The following NXPE4 variants were observed in gnomAD, a reference collection of about 807,000 sequenced individuals.
The protein encoded by NXPE4 is NXPE family member 4.
NXPE4 carries 42 observed loss-of-function variants against 33.3 expected under a neutral mutation model. That is an observed-to-expected ratio of 1.26 (90% CI 0.98 to 1.63). The LOEUF (loss-of-function observed/expected upper bound fraction) is 1.63. Among genes scored for constraint, NXPE4 ranks in the 40% most tolerant of loss-of-function variants. The probability of loss-of-function intolerance (pLI) is 0.00; values close to 1 mark genes in which losing one functional copy is unlikely to be tolerated. For synonymous variants in NXPE4, 253 were observed against 234.9 expected (o/e 1.08, Z -0.71); for missense variants, 709 against 647.6 (o/e 1.09, Z -1.03).
the NXPE4 span, among the ~76,000 whole-genome samples, chr11:114,621,409 C>T: frequency 3.3e-5 from 5 of 152,216 alleles, no homozygotes; most frequent in East Asian, 1.9e-4. Flanking sequence ...CCACAGTTAC[C>T]CTGTGGATAA....
the NXPE4 span, among the ~76,000 whole-genome samples, chr11:114,628,561 G>C: frequency 1.3e-5 from 2 of 150,620 alleles, no homozygotes; most frequent in African/African-American, 4.9e-5. Flanking sequence ...GCCCACAAGA[G>C]AAAGCAGGAA....
chr11:114,587,233 C>T (rs1249752302), intron 2 of NXPE4, among the ~76,000 whole-genome samples: 1 of 152,180 alleles, frequency 6.6e-6, no homozygotes, highest in Non-Finnish European at 1.5e-5. Flanking sequence ...TGAACATGGT[C>T]CCATCAGCAG....
the NXPE4 span, among the ~76,000 whole-genome samples, chr11:114,641,964 G>C: frequency 3.3e-5 from 5 of 151,630 alleles, no homozygotes; most frequent in African/African-American, 1.2e-4. Flanking sequence ...ATATTTTTGT[G>C]GTATATAACA....
intron 4 of NXPE4, 97 bp from the exon 5 acceptor site, chr11:114,580,435 G>T: frequency 4.1e-6 from 4 of 969,676 alleles, no homozygotes; most frequent in South Asian, 2.8e-5. Flanking sequence ...CTAAGAGGGG[G>T]TAAGGTGGTG....
the NXPE4 span, among the ~76,000 whole-genome samples, chr11:114,630,275 C>T: frequency 6.6e-6 from 1 of 151,790 alleles, no homozygotes; most frequent in Non-Finnish European, 1.5e-5. Flanking sequence ...TCAAACTATA[C>T]TAAAAGGCTA....
At chr11:114,622,414 G>T in the NXPE4 span, among the ~76,000 whole-genome samples, 1 of 151,962 alleles carries the variant, frequency 6.6e-6, no homozygotes, top group Admixed American at 6.6e-5. Context: ...CTGTTACCCG[G>T]TGTATAATAA....
chr11:114,617,592 G>A, the NXPE4 span, among the ~76,000 whole-genome samples: 6 of 151,896 alleles, frequency 4.0e-5, no homozygotes, highest in East Asian at 3.9e-4. Context: ...GGTGTTACCC[G>A]GTGCATAATA....
chr11:114,635,719 T>A, the NXPE4 span, among the ~76,000 whole-genome samples: 1 of 152,090 alleles, frequency 6.6e-6, no homozygotes, highest in Admixed American at 6.6e-5. Context: ...TCTATTGAGA[T>A]AATCATGTGG....
chr11:114,662,404 A>C, the NXPE4 span, among the ~76,000 whole-genome samples: 3 of 152,330 alleles, frequency 2.0e-5, no homozygotes, highest in East Asian at 3.9e-4. Flanking sequence ...AGTTCCCACA[A>C]GCCTCACTGC....
chr11:114,639,838 A>G, the NXPE4 span, among the ~76,000 whole-genome samples: 3 of 112,030 alleles, frequency 2.7e-5, no homozygotes, highest in African/African-American at 1.1e-4. Context: ...ATATTATATT[A>G]AATATAAAAT....
intron 5 of NXPE4, among the ~76,000 whole-genome samples, chr11:114,575,509 T>C (rs927137507): frequency 2.6e-5 from 4 of 151,810 alleles, no homozygotes; most frequent in African/African-American, 9.7e-5. Context: ...GATACAAAAT[T>C]AATATACACA....
chr11:114,673,428 G>C, the NXPE4 span, among the ~76,000 whole-genome samples: 2 of 151,456 alleles, frequency 1.3e-5, no homozygotes, highest in African/African-American at 4.8e-5. Flanking sequence ...ACTGGAAAAT[G>C]TAGAGCAAAC....
chr11:114,619,682 T>A, the NXPE4 span, among the ~76,000 whole-genome samples: 5 of 152,100 alleles, frequency 3.3e-5, no homozygotes, highest in Non-Finnish European at 7.4e-5. Context: ...GTAACCACTG[T>A]TTCCCAGTGG....
the NXPE4 span, among the ~76,000 whole-genome samples, chr11:114,601,913 ATTATATATAATATAT>A: frequency 5.1e-5 from 2 of 39,114 alleles, no homozygotes; most frequent in Non-Finnish European, 1.0e-4. Context: ...ATATTATATA[ATTATATATAATATAT>A]TTATATATAT....
the NXPE4 span, among the ~76,000 whole-genome samples, chr11:114,610,555 G>A: frequency 2.9e-5 from 3 of 103,542 alleles, no homozygotes; most frequent in Non-Finnish European, 4.8e-5. Flanking sequence ...GTTGCCTCGT[G>A]GTTAACCACT....
intron 5 of NXPE4, among the ~76,000 whole-genome samples, chr11:114,576,366 TA>T (rs1490494398): frequency 2.6e-5 from 4 of 150,978 alleles, no homozygotes; most frequent in African/African-American, 9.7e-5. Context: ...TTAATTAAAC[TA>T]AAAACTTCTG....
At chr11:114,644,849 C>G in the NXPE4 span, among the ~76,000 whole-genome samples, 14 of 151,714 alleles carry the variant, frequency 9.2e-5, no homozygotes, top group African/African-American at 3.4e-4. Context: ...GTAATTAAGA[C>G]AGTGTAGCAT....
At chr11:114,587,305 G>A (rs1245647428) in intron 2 of NXPE4, among the ~76,000 whole-genome samples, 7 of 152,150 alleles carry the variant, frequency 4.6e-5, no homozygotes, top group African/African-American at 9.7e-5. Flanking sequence ...AATTAAAATG[G>A]TACTTAAATA....
the NXPE4 span, among the ~76,000 whole-genome samples, chr11:114,622,779 T>C: frequency 2.2e-4 from 33 of 152,222 alleles, no homozygotes; most frequent in African/African-American, 6.7e-4. Context: ...GGGTAATCAC[T>C]GCTGCCTTGT....
Sources: allele counts gnomAD v4.1 joint callset (sites outside exome capture counted in the v4.1 genomes callset), GRCh38; gene constraint gnomAD v4.1.1; transcripts MANE v1.5; gene names NCBI Gene and HGNC (gene_info 2026-07-23, HGNC 2026-07-21).